CCT5: variants seen among roughly 807,000 people sequenced by gnomAD.
CCT5 encodes the protein T-complex protein 1 subunit epsilon.
A neutral mutation model predicts 55.0 loss-of-function variants in CCT5; 6 were observed. The observed-to-expected ratio is 0.11, with a 90% CI of 0.06 to 0.22. The LOEUF is 0.22. Ranked by LOEUF, CCT5 falls within the 10% of genes least tolerant of loss-of-function variation. CCT5 has a pLI of 1.00. For synonymous variants in CCT5, 231 were observed against 243.7 expected (o/e 0.95, Z 0.49); for missense variants, 560 against 694.6 (o/e 0.81, Z 2.18).
Position 10,262,929 on chromosome 5 carries a change from A to C in CCT5, c.1318-205A>C, listed in dbSNP as rs6893533. ...GCCATAAGAGCTGCTGTATTTTGAG[A>C]CATCTCTCACATGTATGTATACCCT... is the stretch of plus-strand genomic sequence containing the variant. On this transcript the variant is annotated intron_variant, in intron 9 of 10. Coordinates refer to ENST00000280326, the MANE Select transcript of CCT5 (RefSeq NM_012073.5). 0.74 allele frequency among the ~76,000 whole-genome samples: 112,382 copies of C among 152,182 alleles called. 43,707 individuals are homozygous for C. The highest frequency in any genetic ancestry group is 0.87 in the East Asian group (4,489 of 5,180).
chr5:10,258,395 G>T lies in CCT5; in HGVS notation c.733G>T (p.Asp245Tyr). Residue 245 changes from aspartate to tyrosine, a missense_variant, in exon 6 of 11, where the codon GAT (aspartate) becomes TAT (tyrosine). Asp to Tyr is a radical substitution (Grantham distance 160, BLOSUM62 -3). Transcript: ENST00000280326. ...TTATGTTCCCCCATAGAAAGTGGAA[G>T]ATGCGAAGATTGCAATTCTCACATG... ...SHPQMPKKVEDAKIAILTCPF... is the reference protein window; with the variant it reads ...SHPQMPKKVEYAKIAILTCPF... 6.2e-7 allele frequency: 1 copy of T among 1,614,206 alleles called. No individual in the cohort carries two copies. The highest frequency in any genetic ancestry group is 1.1e-5 in the South Asian group (1 of 91,086).
At chr5:10,256,356 G>A (rs1745681116) in intron 4 of CCT5, among the ~76,000 whole-genome samples, 1 of 152,148 alleles carries the variant, frequency 6.6e-6, no homozygotes, top group African/African-American at 2.4e-5. Context: ...TCTAAGTTCA[G>A]GTATAAATCC....
At chr5:10,258,015 T>C in intron 4 of CCT5, 96 bp from the exon 5 acceptor site, 1 of 1,285,814 alleles carries the variant, frequency 7.8e-7, no homozygotes, top group South Asian at 1.3e-5. Flanking sequence ...AAAACATCGT[T>C]TGATTTATAT....
chr5:10,250,894 G>C, intron 1 of CCT5: 1 of 1,033,460 alleles, frequency 9.7e-7, no homozygotes, highest in Non-Finnish European at 1.2e-6. Context: ...ACTCGTAAAG[G>C]TGTGGTCACT....
At chr5:10,250,758 G>C (rs1306435806) in intron 1 of CCT5, 1 of 1,226,502 alleles carries the variant, frequency 8.2e-7, no homozygotes, top group Non-Finnish European at 1.0e-6. Flanking sequence ...CCTCCAGCCT[G>C]ACGGCCGCGT....
chr5:10,258,161 T>G lies in CCT5; in HGVS notation c.581T>G (p.Leu194Arg). The change falls in exon 5 of 11, where the codon CTC becomes CGC. Residue 194 changes from leucine to arginine, a missense_variant. Coordinates refer to ENST00000280326, the MANE Select transcript of CCT5 (RefSeq NM_012073.5). ...GCTGAGATTGCTGTGAATGCCGTCC[T>G]CACTGTAGCAGATATGGAGCGGAGA... is the stretch of plus-strand genomic sequence containing the variant. ...QMAEIAVNAVLTVADMERRDV... is the reference protein window; with the variant it reads ...QMAEIAVNAVRTVADMERRDV... 6.2e-7 allele frequency: 1 copy of G among 1,614,218 alleles called. No individual in the cohort carries two copies. The highest frequency in any genetic ancestry group is 8.5e-7 in the Non-Finnish European group (1 of 1,180,030).
intron 8 of CCT5, 73 bp downstream of exon 8, chr5:10,261,818 T>TG: frequency 8.6e-7 from 1 of 1,157,214 alleles, no homozygotes; most frequent in Non-Finnish European, 1.3e-6. Context: ...CCTGTGTGTA[T>TG]TTAACAGAGA....
intron 3 of CCT5, 149 bp from the exon 4 acceptor site, chr5:10,255,806 T>C: frequency 1.4e-6 from 1 of 717,698 alleles, no homozygotes; most frequent in South Asian, 1.6e-5. Context: ...GGCTTTCTTT[T>C]AAAAATAGAG....
At chr5:10,254,517 C>CTA in intron 2 of CCT5, 157 bp from the exon 3 acceptor site, 1 of 698,402 alleles carries the variant, frequency 1.4e-6, no homozygotes, top group South Asian at 1.5e-5. Flanking sequence ...GTTAGCCAAT[C>CTA]TAAAAATGCC....
rs199805135 is a variant in CCT5, at chr5:10,261,613, A to G, written c.1047A>G (p.Thr349=). 1.9e-6 allele frequency: 3 copies of G among 1,614,202 alleles called. No individual in the cohort carries two copies. Among genetic ancestry groups the G allele is most frequent in the Admixed American group, 3.3e-5 (2 of 60,022 alleles). ...GRIVPRFSEL[T]AEKLGFAGLV... is the part of the protein sequence containing the mutation. Reference sequence around the variant, plus strand: ...TCGTCCCCAGGTTCTCAGAGCTCACAGCCGAGAAGCTGGGCTTTGCTGGTC... The same window carrying G: ...TCGTCCCCAGGTTCTCAGAGCTCACGGCCGAGAAGCTGGGCTTTGCTGGTC... The change falls in exon 8 of 11, where the codon ACA becomes ACG. Residue 349 remains threonine, a synonymous_variant. Transcript: ENST00000280326.
At chr5:10,264,403 C>G (rs2126521345) in intron 10 of CCT5, among the ~76,000 whole-genome samples, 3 of 152,316 alleles carry the variant, frequency 2.0e-5, no homozygotes, top group Middle Eastern at 6.8e-3. Flanking sequence ...AAATGTCACC[C>G]TGTAGCTAGT....
chr5:10,260,544 A>G (rs952628508), intron 6 of CCT5, among the ~76,000 whole-genome samples: 1 of 152,024 alleles, frequency 6.6e-6, no homozygotes, highest in Admixed American at 6.5e-5. Flanking sequence ...AGGGTTCAGC[A>G]GAATTACTGC....
chr5:10,250,532 C>T (rs965920586), intron 1 of CCT5, 87 bp downstream of exon 1: 3 of 1,565,040 alleles, frequency 1.9e-6, no homozygotes, highest in South Asian at 1.2e-5. Flanking sequence ...AGGAGCGGCT[C>T]TGCCATGTGC....
intron 1 of CCT5, chr5:10,250,971 A>G: frequency 9.1e-6 from 6 of 656,510 alleles, no homozygotes; most frequent in Non-Finnish European, 1.1e-5. Flanking sequence ...AAGAGTGAAA[A>G]ACGGACGCAC....
At chr5:10,261,245 G>A (rs3899566) in intron 7 of CCT5, 1 of 493,646 alleles carries the variant, frequency 2.0e-6, no homozygotes, top group African/African-American at 1.9e-5. Context: ...CTGCAGCGCA[G>A]TGCAAGGAAC....
intron 8 of CCT5, chr5:10,262,191 G>A (rs1746000844): frequency 2.3e-6 from 1 of 437,316 alleles, no homozygotes; most frequent in Non-Finnish European, 4.2e-6. Flanking sequence ...GACGATCTCT[G>A]TTCTTTGAGA....
rs1437353746 is a variant in CCT5 at position 10,265,539 on chromosome 5, C to G, written c.*756C>G. ...CAGTTACCATGTTCAGATAGAGTGA[C>G]TGAAATTAATTGTACTTACTAAAGT... On this transcript the variant is annotated 3_prime_UTR_variant, in exon 11 of 11. Transcript: ENST00000280326. 2 of 152,236 alleles carry G rather than the reference C, an allele frequency of 1.3e-5. No homozygotes were observed. Among genetic ancestry groups the G allele is most frequent in the Non-Finnish European group, 2.9e-5 (2 of 68,092 alleles). The allele number at this position is 152,236 out of a possible 1,614,324, so 9.4% of individuals were successfully genotyped here. A position where few individuals can be genotyped will look rare whatever the true frequency, so the allele number is the denominator to read the frequency against.
In CCT5 at chr5:10,265,648, C is replaced by A. The variant is rs540937270; in HGVS notation, c.*865C>A. On this transcript the variant is annotated 3_prime_UTR_variant, in exon 11 of 11. Coordinates refer to ENST00000280326, the MANE Select transcript of CCT5 (RefSeq NM_012073.5). ...TTCTGACAACCCAGTGAGGCAGATA[C>A]ACTTTCTTACTGCTCACATCTTACA... 1 of 152,116 alleles carries A rather than the reference C, an allele frequency of 6.6e-6. No homozygotes were observed. Among genetic ancestry groups the A allele is most frequent in the South Asian group, 2.1e-4 (1 of 4,818 alleles). The allele number at this position is 152,116 out of a possible 1,614,324, so 9.4% of individuals were successfully genotyped here. A position where few individuals can be genotyped will look rare whatever the true frequency, so the allele number is the denominator to read the frequency against.
chr5:10,252,786 C>A (rs1434636080), intron 1 of CCT5, among the ~76,000 whole-genome samples: 1 of 152,150 alleles, frequency 6.6e-6, no homozygotes, highest in Non-Finnish European at 1.5e-5. Context: ...TCTGGAAACA[C>A]ACAGAACTAG....
Sources: allele counts gnomAD v4.1 joint callset (sites outside exome capture counted in the v4.1 genomes callset), GRCh38; gene constraint gnomAD v4.1.1; transcripts MANE v1.5; gene names NCBI Gene and HGNC (gene_info 2026-07-23, HGNC 2026-07-21).